The following NHSL2 variants were observed in gnomAD, a reference collection of about 807,000 sequenced individuals.
NHSL2 encodes NHS-like protein 2.
In NHSL2, 27 loss-of-function variants were observed where a neutral mutation model predicts 53.4. The observed-to-expected ratio is 0.51, with a 90% CI of 0.37 to 0.70. The LOEUF is 0.70. Ranked by LOEUF, NHSL2 falls within the 30% of genes least tolerant of loss-of-function variation. The pLI, the probability that NHSL2 is intolerant of heterozygous loss-of-function variation, is 0.00. For missense variants in NHSL2, 892 were observed against 980.1 expected (o/e 0.91, Z 1.20); for synonymous variants, 408 against 404.1 (o/e 1.01, Z -0.12).
Position 71,938,894 on chromosome X carries a change from A to G in NHSL2, c.280+27527A>G, listed in dbSNP as rs189361249. Among the ~76,000 whole-genome samples, 14 of 112,818 alleles carry G rather than the reference A, an allele frequency of 1.2e-4. No individual in the cohort carries two copies. The East Asian group carries it at 3.6e-3, about 29-fold the overall frequency. On this transcript the variant is annotated intron_variant, in intron 1 of 7. Coordinates refer to ENST00000633930, the MANE Select transcript of NHSL2 (RefSeq NM_001013627.3). ...GCTTGGAGAAGGCAAGTGAACAGAG[A>G]GGGCTTTGATATGGTTTATACCGTA...
intron 1 of NHSL2, among the ~76,000 whole-genome samples, chrX:72,063,812 A>C (rs1476507328): frequency 1.8e-5 from 2 of 110,420 alleles, no homozygotes; most frequent in Non-Finnish European, 3.8e-5. Flanking sequence ...TGTGTACTGC[A>C]TTTGGGGGAA....
chrX:72,070,167 C>A (rs1275437919), intron 1 of NHSL2, among the ~76,000 whole-genome samples: 1 of 109,071 alleles, frequency 9.2e-6, no homozygotes, highest in East Asian at 2.9e-4. Flanking sequence ...CCCCCCACCC[C>A]AGCCCCCATA....
chrX:72,134,169 C>A lies in NHSL2; in HGVS notation c.515C>A (p.Thr172Asn), dbSNP rs1303196184. The change falls in exon 3 of 8, where the codon ACC becomes AAC. Residue 172 changes from threonine (T) to asparagine (N), a missense_variant. Transcript: ENST00000633930. ...TCTTCTGATGAGGCCACTAAGCCCA[C>A]CCCCAACCCAAGGCCCCAGTCTGCC... ...FRSSDEATKP[T>N]PNPRPQSARR... is the part of the protein sequence containing the mutation. The A allele has an allele frequency of 6.9e-6, 8 of 1,165,682 alleles. No individual in the cohort carries two copies. In the East Asian group the frequency reaches 2.3e-4, roughly 33 times the overall value.
In NHSL2 at chrX:72,106,002, G is replaced by A. The variant is rs184119880; in HGVS notation, c.281-26077G>A. ...AGGCGGGCAGATCATGAGGTCAGGA[G>A]ATCGAGACCATCCTGGCTAGCACAG... On this transcript the variant is annotated intron_variant, in intron 1 of 7. Coordinates refer to ENST00000633930, the MANE Select transcript of NHSL2 (RefSeq NM_001013627.3). Among the ~76,000 whole-genome samples, 13 of 111,099 alleles carry A rather than the reference G, an allele frequency of 1.2e-4. No individual in the cohort carries two copies. In the East Asian group the frequency reaches 2.5e-3, roughly 22 times the overall value.
chrX:71,917,935 A>G (rs2041636951), intron 1 of NHSL2, among the ~76,000 whole-genome samples: 1 of 111,798 alleles, frequency 8.9e-6, no homozygotes, highest in East Asian at 2.8e-4. Context: ...TTCGTCAGGG[A>G]GTTGGATATG....
chrX:71,963,985 A>ATATG lies in NHSL2; in HGVS notation c.280+52621_280+52622insGTAT, dbSNP rs1281792174. Reference sequence around the variant, plus strand: ...CACATATATATATACATATATATATATATATATGTATATACATATATATAT... The same window carrying ATATG: ...CACATATATATATACATATATATATATATGTATATATGTATATACATATATATAT... On this transcript the variant is annotated intron_variant, in intron 1 of 7. Coordinates refer to ENST00000633930, the MANE Select transcript of NHSL2 (RefSeq NM_001013627.3). 1.3e-3 allele frequency among the ~76,000 whole-genome samples: 82 copies of ATATG among 64,398 alleles called. 7 individuals carry two copies. The highest frequency in any genetic ancestry group is 1.8e-3 in the South Asian group (2 of 1,128). 55.9% of individuals were successfully genotyped at this position (64,398 alleles called of 115,157 possible).
At chrX:72,055,253 C>T (rs1164377579) in intron 1 of NHSL2, among the ~76,000 whole-genome samples, 1 of 112,074 alleles carries the variant, frequency 8.9e-6, no homozygotes, top group East Asian at 2.8e-4. Flanking sequence ...GCCAACAGCC[C>T]GAGTTCCCCA....
rs1461954475 is a variant in NHSL2 at position 72,152,186 on chromosome X, A to G, written c.*8612A>G. 8.9e-6 allele frequency: 1 copy of G among 112,585 alleles called. No homozygotes were observed. The highest frequency in any genetic ancestry group is 1.9e-5 in the Non-Finnish European group (1 of 53,243). 9.3% of individuals were successfully genotyped at this position (112,585 alleles called of 1,213,427 possible). A position where few individuals can be genotyped will look rare whatever the true frequency, so the allele number is the denominator to read the frequency against. The stretch of plus-strand genomic sequence containing the variant: ...CATCCTGCTCCCATCTCCACCTCTA[A>G]TGCTTCTTGGGAGTCTGAAGCTCAG... On this transcript the variant is annotated 3_prime_UTR_variant, in exon 8 of 8. Transcript: ENST00000633930.
chrX:72,091,137 G>A (rs1201340540), intron 1 of NHSL2, among the ~76,000 whole-genome samples: 1 of 112,155 alleles, frequency 8.9e-6, no homozygotes, highest in Non-Finnish European at 1.9e-5. Flanking sequence ...GAATTGTTGG[G>A]TGAACAGGAA....
intron 1 of NHSL2, among the ~76,000 whole-genome samples, chrX:72,053,219 C>T (rs755133463): frequency 2.1e-4 from 23 of 111,836 alleles, no homozygotes; most frequent in African/African-American, 5.2e-4. Flanking sequence ...CTTCACCCCG[C>T]GCACCCCAGG....
At chrX:71,955,301 G>A (rs1569466213) in intron 1 of NHSL2, among the ~76,000 whole-genome samples, 1 of 111,458 alleles carries the variant, frequency 9.0e-6, no homozygotes, top group Non-Finnish European at 1.9e-5. Context: ...AAAACCCTTA[G>A]TAAAATGTGA....
At chrX:72,013,515 T>C (rs768483047) in intron 1 of NHSL2, among the ~76,000 whole-genome samples, 61 of 109,662 alleles carry the variant, frequency 5.6e-4, no homozygotes, top group Non-Finnish European at 9.5e-4. Flanking sequence ...AATCTACATG[T>C]TTTATCTTTT....
chrX:71,998,011 A>G (rs1182896410), intron 1 of NHSL2, among the ~76,000 whole-genome samples: 2 of 112,336 alleles, frequency 1.8e-5, no homozygotes, highest in Non-Finnish European at 3.8e-5. Flanking sequence ...TTCAAGTTCT[A>G]AGTCAAGGTA....
At position 71,969,263 on chromosome X, in the gene NHSL2, CT is replaced by C. The variant is rs1167950277; in HGVS notation, c.280+57905del. ...ACTTCTTTTGTTAAATTTATCCCTCCTTTTTTTTTATGCTTTTGTAAGTTGA... is the reference window on the plus strand; with the variant it reads ...ACTTCTTTTGTTAAATTTATCCCTCCTTTTTTTTATGCTTTTGTAAGTTGA... On this transcript the variant is annotated intron_variant, in intron 1 of 7. Transcript: ENST00000633930. Among the ~76,000 whole-genome samples the C allele has an allele frequency of 2.6e-4, 27 of 102,770 alleles. No individual in the cohort carries two copies. In the South Asian group the frequency reaches 5.6e-3, roughly 21 times the overall value. The allele number at this position is 102,770 out of a possible 115,157, so 89.2% of individuals were successfully genotyped here.
chrX:72,059,837 A>G (rs986774886), intron 1 of NHSL2, among the ~76,000 whole-genome samples: 5 of 112,097 alleles, frequency 4.5e-5, no homozygotes, highest in African/African-American at 1.6e-4. Flanking sequence ...ACCTTGCTCT[A>G]TGCACTTTCT....
Position 72,149,216 on chromosome X carries a change from A to C in NHSL2, c.*5642A>C, listed in dbSNP as rs1382817871. On this transcript the variant is annotated 3_prime_UTR_variant, in exon 8 of 8. Coordinates refer to ENST00000633930, the MANE Select transcript of NHSL2 (RefSeq NM_001013627.3). Reference sequence around the variant, plus strand: ...TGCTTTGGGTTTAAAAAAAAAAAAAAGATTTTTTTTAACTCACAAATGGAA... The same window carrying C: ...TGCTTTGGGTTTAAAAAAAAAAAAACGATTTTTTTTAACTCACAAATGGAA... The C allele has an allele frequency of 9.0e-6, 1 of 110,864 alleles. No homozygotes were observed. The highest frequency in any genetic ancestry group is 1.9e-5 in the Non-Finnish European group (1 of 52,884). The allele number at this position is 110,864 out of a possible 1,213,427, so 9.1% of individuals were successfully genotyped here.
Position 72,140,741 on chromosome X carries a change from G to A in NHSL2, c.3193G>A (p.Ala1065Thr). Residue 1065 changes from alanine (A) to threonine (T), a missense_variant, in exon 6 of 8, where the codon GCT (alanine) becomes ACT (threonine). Physicochemically the swap from Ala to Thr is moderately conservative, Grantham distance 58 (BLOSUM62 0). Transcript: ENST00000633930. The part of the protein sequence containing the change: ...LGQRVTSTPQ[A>T]DSEREASPLG... Reference sequence around the variant, plus strand: ...TCAAAGGGTGACTTCAACTCCTCAGGCTGACAGTGAAAGGGAGGCAAGCCC... The same window carrying A: ...TCAAAGGGTGACTTCAACTCCTCAGACTGACAGTGAAAGGGAGGCAAGCCC... The A allele has an allele frequency of 8.4e-7, 1 of 1,188,646 alleles. No individual in the cohort carries two copies. The highest frequency in any genetic ancestry group is 1.1e-6 in the Non-Finnish European group (1 of 883,426).
At chrX:72,086,948 G>A (rs745723843) in intron 1 of NHSL2, among the ~76,000 whole-genome samples, 1 of 111,659 alleles carries the variant, frequency 9.0e-6, no homozygotes, top group Admixed American at 9.5e-5. Context: ...TGAAAACAGA[G>A]ACTTGAACAG....
intron 1 of NHSL2, chrX:72,130,582 G>A: frequency 8.3e-7 from 1 of 1,211,772 alleles, no homozygotes; most frequent in Non-Finnish European, 1.1e-6. Flanking sequence ...TCGAACTCCA[G>A]GGAGCGGGAT....
Sources: gnomAD v4.1 joint callset for allele counts (sites outside exome capture counted in the v4.1 genomes callset) on GRCh38, gnomAD v4.1.1 for gene constraint, MANE v1.5 for transcripts, NCBI Gene and HGNC (gene_info 2026-07-23, HGNC 2026-07-21) for gene names.